The following CEPT1 variants were observed in gnomAD, a reference collection of about 807,000 sequenced individuals.
The protein encoded by CEPT1 is choline/ethanolaminephosphotransferase 1.
CEPT1 carries 7 observed loss-of-function variants against 42.6 expected under a neutral mutation model. That is an observed-to-expected ratio of 0.16 (90% CI 0.09 to 0.31). CEPT1 has a LOEUF of 0.31. Among genes scored for constraint, CEPT1 ranks in the 10% least tolerant of loss-of-function variants. The pLI is 1.00. For synonymous variants in CEPT1, 171 were observed against 171.9 expected (o/e 0.99, Z 0.04); for missense variants, 306 against 502.1 (o/e 0.61, Z 3.73).
Position 111,145,311 on chromosome 1 carries a change from A to T in CEPT1, c.-73-2331A>T, listed in dbSNP as rs914186891. 2.8e-4 allele frequency among the ~76,000 whole-genome samples: 42 copies of T among 152,344 alleles called. 1 individual carries two copies. Among genetic ancestry groups the T allele is most frequent in the African/African-American group, 9.9e-4 (41 of 41,586 alleles). ...GAGCCACCGCGCCTGGCGAAATATT[A>T]AATATTTTTATTTCAGGGCATCTCA... On this transcript the variant is annotated intron_variant, in intron 1 of 8. Coordinates refer to ENST00000357172, the MANE Select transcript of CEPT1 (RefSeq NM_006090.5).
At chr1:111,169,923 G>C (rs957567294) in intron 4 of CEPT1, among the ~76,000 whole-genome samples, 7 of 152,094 alleles carry the variant, frequency 4.6e-5, no homozygotes, top group Non-Finnish European at 8.8e-5. Flanking sequence ...AAAGTCACTT[G>C]ACCTTTCTAA....
intron 2 of CEPT1, among the ~76,000 whole-genome samples, chr1:111,149,153 C>T (rs573503244): frequency 6.3e-4 from 96 of 152,018 alleles, no homozygotes; most frequent in Non-Finnish European, 1.2e-3. Flanking sequence ...TACCCCAGAA[C>T]ATGTGATTTC....
At chr1:111,152,565 A>G (rs1222599056) in intron 2 of CEPT1, among the ~76,000 whole-genome samples, 2 of 152,160 alleles carry the variant, frequency 1.3e-5, no homozygotes, top group East Asian at 3.8e-4. Context: ...AGTATGCAAA[A>G]TAAGTCTTTA....
chr1:111,145,482 G>A (rs34004418), intron 1 of CEPT1, among the ~76,000 whole-genome samples: 1 of 152,206 alleles, frequency 6.6e-6, no homozygotes, highest in African/African-American at 2.4e-5. Context: ...TAGGTCATTA[G>A]TAACATTGAA....
chr1:111,148,053 G>C lies in CEPT1; in HGVS notation c.339G>C (p.Gln113His). ...TCTACTGCCCTACAGCTACAGAGCAGGTAAGAGTTTCTTAACAGATCTCAA... is the reference window on the plus strand; with the variant it reads ...TCTACTGCCCTACAGCTACAGAGCACGTAAGAGTTTCTTAACAGATCTCAA... ...LVFYCPTATE[Q>H]APLWAYIACA... Residue 113 changes from glutamine to histidine, a missense_variant and splice_region_variant, in exon 2 of 9, where the codon CAG becomes CAC. Around this residue, in one of 2 missense-constraint regions of CEPT1, gnomAD observed 253 missense variants for 447.3 expected, o/e 0.57. Transcript: ENST00000357172. 6.2e-7 allele frequency: 1 copy of C among 1,610,286 alleles called. No homozygotes were observed. The highest frequency in any genetic ancestry group is 8.5e-7 in the Non-Finnish European group (1 of 1,176,810).
At chr1:111,161,491 T>C (rs955963883) in intron 4 of CEPT1, among the ~76,000 whole-genome samples, 195 bp downstream of exon 4, 3 of 152,160 alleles carry the variant, frequency 2.0e-5, no homozygotes, top group African/African-American at 7.2e-5. Flanking sequence ...TAAAAGGAGA[T>C]ATCAGAACCT....
At chr1:111,140,868 T>C (rs570340653) in intron 1 of CEPT1, among the ~76,000 whole-genome samples, 1 of 152,360 alleles carries the variant, frequency 6.6e-6, no homozygotes, top group Non-Finnish European at 1.5e-5. Flanking sequence ...GATTGCTAGC[T>C]GGCGTTTATT....
chr1:111,178,934 A>G (rs1415528658), intron 5 of CEPT1: 2 of 152,212 alleles, frequency 1.3e-5, no homozygotes, highest in African/African-American at 2.4e-5. Flanking sequence ...TCCTTTGTAG[A>G]CACTGTAATT....
chr1:111,147,781 G>A lies in CEPT1; in HGVS notation c.67G>A (p.Gly23Arg), dbSNP rs774852398. ...TCACCCGGAGTCCCCAGTGGGCTTC[G>A]GGCATATGAGTACTACAGGATGTGT... ...DSHPESPVGF[G>R]HMSTTGCVLN... is the part of the protein sequence containing the mutation. The change falls in exon 2 of 9, where the codon GGG becomes AGG. Residue 23 changes from glycine (G) to arginine (R), a missense_variant. Around this residue, in one of 2 missense-constraint regions of CEPT1, gnomAD observed 53 missense variants for 54.8 expected, o/e 0.97. Coordinates refer to ENST00000357172, the MANE Select transcript of CEPT1 (RefSeq NM_006090.5). 1.2e-5 allele frequency: 19 copies of A among 1,613,846 alleles called. No individual in the cohort carries two copies. The highest frequency in any genetic ancestry group is 2.7e-5 in the African/African-American group (2 of 74,852).
In CEPT1 at chr1:111,151,867, C is replaced by T. The variant is rs190331633; in HGVS notation, c.339+3814C>T. 5.4e-3 allele frequency among the ~76,000 whole-genome samples: 819 copies of T among 152,256 alleles called. 7 individuals carry two copies. Among genetic ancestry groups the T allele is most frequent in the African/African-American group, 0.019 (798 of 41,550 alleles). ...TGGGGTAAAATATTTTGATTTTCTT[C>T]CTTGTCTTGTATTGTTATGCCAGAG... On this transcript the variant is annotated intron_variant, in intron 2 of 8. Coordinates refer to ENST00000357172, the MANE Select transcript of CEPT1 (RefSeq NM_006090.5).
In CEPT1 at chr1:111,155,344, T is replaced by C. The variant is rs189195057; in HGVS notation, c.340-4036T>C. The stretch of plus-strand genomic sequence containing the variant: ...GTAATGCCTCTTTTTTTGTGTCTGA[T>C]TTTATTTATTTGGGTCTTCTGTCTT... On this transcript the variant is annotated intron_variant, in intron 2 of 8. Transcript: ENST00000357172. Among the ~76,000 whole-genome samples, 5 of 152,080 alleles carry C rather than the reference T, an allele frequency of 3.3e-5. No homozygotes were observed. The East Asian group carries it at 9.7e-4, about 29-fold the overall frequency.
intron 2 of CEPT1, among the ~76,000 whole-genome samples, chr1:111,154,328 T>G (rs1420088910): frequency 2.0e-5 from 3 of 152,022 alleles, no homozygotes; most frequent in Non-Finnish European, 4.4e-5. Context: ...TGCTACTGAT[T>G]TTTGTATGTT....
rs1334871602 is a variant in CEPT1, at chr1:111,140,288, G to C, written c.-93G>C. 1 of 152,626 alleles carries C rather than the reference G, an allele frequency of 6.6e-6. No individual in the cohort carries two copies. The highest frequency in any genetic ancestry group is 1.5e-5 in the Non-Finnish European group (1 of 68,326). 9.5% of individuals were successfully genotyped at this position (152,626 alleles called of 1,614,324 possible). On this transcript the variant is annotated 5_prime_UTR_variant, in exon 1 of 9. Transcript: ENST00000357172. ...GGAGTCGGAGGCGATATTTCTAGGGGTGTACTTGTTGGGGTCAGGGTAAGG... is the reference window on the plus strand; with the variant it reads ...GGAGTCGGAGGCGATATTTCTAGGGCTGTACTTGTTGGGGTCAGGGTAAGG...
In CEPT1 at chr1:111,184,346, G is replaced by T; in HGVS notation, c.*36G>T. On this transcript the variant is annotated 3_prime_UTR_variant, in exon 9 of 9. Coordinates refer to ENST00000357172, the MANE Select transcript of CEPT1 (RefSeq NM_006090.5). ...GGTATATAGGAACATCATGTTTTCT[G>T]CAGGAAAGAAAGTAACATATTAAGG... 1 of 1,557,830 alleles carries T rather than the reference G, an allele frequency of 6.4e-7. No individual in the cohort carries two copies. Among genetic ancestry groups the T allele is most frequent in the Non-Finnish European group, 8.8e-7 (1 of 1,139,842 alleles).
At chr1:111,156,550 T>C (rs1655583418) in intron 2 of CEPT1, among the ~76,000 whole-genome samples, 1 of 152,158 alleles carries the variant, frequency 6.6e-6, no homozygotes. Context: ...CATAAAACAC[T>C]AACGATAGCT....
At chr1:111,155,730 G>T (rs948820848) in intron 2 of CEPT1, among the ~76,000 whole-genome samples, 3 of 152,044 alleles carry the variant, frequency 2.0e-5, no homozygotes, top group Non-Finnish European at 4.4e-5. Flanking sequence ...TAGAGATGGG[G>T]TTTCATCACG....
intron 4 of CEPT1, among the ~76,000 whole-genome samples, chr1:111,166,437 T>C (rs1037754099): frequency 6.6e-6 from 1 of 152,220 alleles, no homozygotes; most frequent in African/African-American, 2.4e-5. Context: ...AGTATTATAA[T>C]GCTGGTGTGG....
intron 8 of CEPT1, 127 bp from the exon 9 acceptor site, chr1:111,184,064 A>G (rs1226163282): frequency 1.9e-5 from 19 of 985,530 alleles, no homozygotes; most frequent in Non-Finnish European, 2.4e-5. Flanking sequence ...GAAAGATTGC[A>G]AGGAAATTGA....
At chr1:111,179,740 T>C (rs945428546) in intron 5 of CEPT1, 1 of 152,204 alleles carries the variant, frequency 6.6e-6, no homozygotes, top group Non-Finnish European at 1.5e-5. Flanking sequence ...TAGATGTTTC[T>C]TCATACTCTC....
Sources: allele counts gnomAD v4.1 joint callset (sites outside exome capture counted in the v4.1 genomes callset), GRCh38; gene constraint gnomAD v4.1.1; regional missense constraint gnomAD v4.1.1; transcripts MANE v1.5; gene names NCBI Gene and HGNC (gene_info 2026-07-23, HGNC 2026-07-21).